Variants in RBX1 observed in about 807,000 individuals in gnomAD.
RBX1 encodes the protein E3 ubiquitin-protein ligase RBX1.
For missense variants in RBX1, 46 were observed against 141.4 expected (o/e 0.33, Z 3.42); for synonymous variants, 48 against 47.9 (o/e 1.00, Z -0.01).
chr22:40,957,590 A>G (rs1350065860), intron 2 of RBX1, among the ~76,000 whole-genome samples: 1 of 152,142 alleles, frequency 6.6e-6, no homozygotes, highest in Non-Finnish European at 1.5e-5. Context: ...GTGAGTCAAG[A>G]TTTTGCCACT....
At chr22:40,954,073 A>G (rs1288784303) in intron 2 of RBX1, among the ~76,000 whole-genome samples, 1 of 152,184 alleles carries the variant, frequency 6.6e-6, no homozygotes, top group Non-Finnish European at 1.5e-5. Flanking sequence ...GGAGTTGACC[A>G]ACCTGGCCAA....
At chr22:40,957,532 G>A (rs890056829) in intron 2 of RBX1, among the ~76,000 whole-genome samples, 14 of 152,134 alleles carry the variant, frequency 9.2e-5, no homozygotes, top group African/African-American at 3.4e-4. Flanking sequence ...CAGCTACTTG[G>A]GAGGCTGAGG....
At chr22:40,964,581 T>C (rs1423301683) in intron 3 of RBX1, among the ~76,000 whole-genome samples, 2 of 152,250 alleles carry the variant, frequency 1.3e-5, no homozygotes, top group Non-Finnish European at 2.9e-5. Context: ...ACATGGCTTA[T>C]GCCAGAAATG....
chr22:40,954,355 A>G (rs898155749), intron 2 of RBX1, among the ~76,000 whole-genome samples: 7 of 152,110 alleles, frequency 4.6e-5, no homozygotes, highest in Non-Finnish European at 2.9e-5. Flanking sequence ...AGGATTTTGT[A>G]TGTTAGGCCC....
chr22:40,956,401 T>A (rs1205487252), intron 2 of RBX1, among the ~76,000 whole-genome samples: 2 of 151,518 alleles, frequency 1.3e-5, no homozygotes, highest in Non-Finnish European at 2.9e-5. Flanking sequence ...TACCTTTTTT[T>A]TTTTTTTTTT....
chr22:40,954,226 A>G (rs988214169), intron 2 of RBX1, among the ~76,000 whole-genome samples: 10 of 151,262 alleles, frequency 6.6e-5, no homozygotes, highest in Admixed American at 1.3e-4. Context: ...CCGAGATCAC[A>G]CCACTGCACT....
chr22:40,954,320 C>A (rs2058319258), intron 2 of RBX1, among the ~76,000 whole-genome samples: 1 of 145,910 alleles, frequency 6.9e-6, no homozygotes, highest in African/African-American at 2.7e-5. Flanking sequence ...TCATTGTTTA[C>A]AAAGGAAAGA....
rs548347021 is a variant in RBX1, at chr22:40,959,539, G to A, written c.158-4508G>A. On this transcript the variant is annotated intron_variant, in intron 2 of 4. Coordinates refer to ENST00000216225, the MANE Select transcript of RBX1 (RefSeq NM_014248.4). ...GTAAAGAATGAATCTGGCCGGGCTCGGTGGCTCACGCCTATAATCCCAGTA... is the reference window on the plus strand; with the variant it reads ...GTAAAGAATGAATCTGGCCGGGCTCAGTGGCTCACGCCTATAATCCCAGTA... Among the ~76,000 whole-genome samples, 7 of 152,252 alleles carry A rather than the reference G, an allele frequency of 4.6e-5. No individual in the cohort carries two copies. The South Asian group carries it at 6.2e-4, about 14-fold the overall frequency.
At chr22:40,951,851 G>A (rs1383138389) in intron 1 of RBX1, among the ~76,000 whole-genome samples, 1 of 152,064 alleles carries the variant, frequency 6.6e-6, no homozygotes, top group Non-Finnish European at 1.5e-5. Context: ...ATGCGGCGGT[G>A]GAGGATGGGG....
At chr22:40,964,199 G>T in intron 3 of RBX1, 82 bp downstream of exon 3, 1 of 1,104,742 alleles carries the variant, frequency 9.1e-7, no homozygotes, top group Non-Finnish European at 1.4e-6. Context: ...AAAATAACTA[G>T]GGAAAAAAAT....
intron 2 of RBX1, among the ~76,000 whole-genome samples, chr22:40,955,545 CTT>C (rs1250381735): frequency 6.6e-6 from 1 of 152,076 alleles, no homozygotes; most frequent in Non-Finnish European, 1.5e-5. Flanking sequence ...TACATTCTGT[CTT>C]TGTACTATCT....
At chr22:40,952,210 G>T (rs539662277) in intron 1 of RBX1, among the ~76,000 whole-genome samples, 171 of 152,330 alleles carry the variant, frequency 1.1e-3, no homozygotes, top group Middle Eastern at 3.4e-3. Context: ...GGAGGGTTGA[G>T]TACTAGTCGC....
intron 3 of RBX1, among the ~76,000 whole-genome samples, chr22:40,965,585 T>C (rs2058352134): frequency 6.6e-6 from 1 of 152,046 alleles, no homozygotes; most frequent in East Asian, 2.0e-4. Context: ...GGATTACAGG[T>C]GTGTACCACC....
intron 2 of RBX1, among the ~76,000 whole-genome samples, chr22:40,963,618 A>G (rs1451627441): frequency 6.6e-6 from 1 of 152,072 alleles, no homozygotes; most frequent in East Asian, 1.9e-4. Flanking sequence ...CCTGGGCAAC[A>G]AGAGGGAAAC....
At chr22:40,964,300 A>C in intron 3 of RBX1, 183 bp downstream of exon 3, 1 of 506,448 alleles carries the variant, frequency 2.0e-6, no homozygotes, top group Middle Eastern at 5.5e-4. Context: ...TAAAAATTAC[A>C]GTTACTGCAA....
At position 40,961,605 on chromosome 22, in the gene RBX1, C is replaced by T. The variant is rs541215934; in HGVS notation, c.158-2442C>T. 2.6e-4 allele frequency among the ~76,000 whole-genome samples: 40 copies of T among 151,394 alleles called. 1 individual carries two copies. The South Asian group carries it at 8.4e-3, about 32-fold the overall frequency. The stretch of plus-strand genomic sequence containing the variant: ...ATTTTTAAATATTTTTAGTAGAAAC[C>T]ATGTTAGCCAGGATGGGCTCGATCT... On this transcript the variant is annotated intron_variant, in intron 2 of 4. Coordinates refer to ENST00000216225, the MANE Select transcript of RBX1 (RefSeq NM_014248.4).
Position 40,960,904 on chromosome 22 carries a change from A to G in RBX1, c.158-3143A>G, listed in dbSNP as rs991196898. On this transcript the variant is annotated intron_variant, in intron 2 of 4. Coordinates refer to ENST00000216225, the MANE Select transcript of RBX1 (RefSeq NM_014248.4). ...CTCTCTAGTAGCTGGGATTATAGGCATGCGCCACCCACCACACCCGGTTAA... is the reference window on the plus strand; with the variant it reads ...CTCTCTAGTAGCTGGGATTATAGGCGTGCGCCACCCACCACACCCGGTTAA... Among the ~76,000 whole-genome samples the G allele has an allele frequency of 4.6e-5, 7 of 151,788 alleles. No homozygotes were observed. In the East Asian group the frequency reaches 5.8e-4, roughly 13 times the overall value.
intron 2 of RBX1, among the ~76,000 whole-genome samples, chr22:40,963,799 T>C (rs1024648299): frequency 1.3e-5 from 2 of 152,200 alleles, no homozygotes; most frequent in Non-Finnish European, 2.9e-5. Context: ...TGAGCCATGC[T>C]CATGCCACTG....
At chr22:40,972,432 A>G in intron 4 of RBX1, 44 bp from the exon 5 acceptor site, 1 of 1,555,130 alleles carries the variant, frequency 6.4e-7, no homozygotes. Flanking sequence ...CTCAAACAGG[A>G]AATTATCTTG....
Sources: allele counts gnomAD v4.1 joint callset (sites outside exome capture counted in the v4.1 genomes callset), GRCh38; gene constraint gnomAD v4.1.1; transcripts MANE v1.5; gene names NCBI Gene and HGNC (gene_info 2026-07-23, HGNC 2026-07-21).